The following ASPG variants were observed in gnomAD, a reference collection of about 807,000 sequenced individuals.
ASPG encodes 60 kDa lysophospholipase.
Under a neutral mutation model 63.2 loss-of-function variants are expected in ASPG, and 53 were observed. The observed-to-expected ratio is 0.84, with a 90% CI of 0.67 to 1.05. ASPG has a LOEUF of 1.05. ASPG is among the 50% of genes least tolerant of loss of function. ASPG has a pLI of 0.00. For synonymous variants in ASPG, 370 were observed against 355.0 expected (o/e 1.04, Z -0.48); for missense variants, 741 against 794.4 (o/e 0.93, Z 0.81).
intron 6 of ASPG, among the ~76,000 whole-genome samples, chr14:104,100,618 G>A (rs1414044810): frequency 2.6e-5 from 4 of 152,158 alleles, no homozygotes; most frequent in African/African-American, 7.2e-5. Context: ...GCTGCTCCCT[G>A]GAGCACCTTC....
chr14:104,111,095 G>T, intron 13 of ASPG: 1 of 985,424 alleles, frequency 1.0e-6, no homozygotes, highest in Non-Finnish European at 1.2e-6. Flanking sequence ...CACGAAACTG[G>T]CGTGGGCTGC....
At chr14:104,097,681 G>A in intron 5 of ASPG, 44 bp downstream of exon 5, 1 of 1,536,224 alleles carries the variant, frequency 6.5e-7, no homozygotes, top group Non-Finnish European at 8.8e-7. Context: ...TGGGGTGGGG[G>A]CAGGAGCCCA....
rs1424424819 is a variant in ASPG, at chr14:104,105,533, G to A, written c.1173+83G>A. On this transcript the variant is annotated intron_variant, in intron 10 of 15. Coordinates refer to ENST00000551177, the MANE Select transcript of ASPG (RefSeq NM_001080464.3). ...ACCCTGGGATGCACCAGGCAGGCAC[G>A]AGCCCCTGTAGCCATCACTCGAGCC... The A allele has an allele frequency of 2.0e-5, 29 of 1,460,816 alleles. No individual in the cohort carries two copies. The East Asian group carries it at 3.5e-4, about 18-fold the overall frequency. 90.5% of individuals were successfully genotyped at this position (1,460,816 alleles called of 1,614,324 possible).
At chr14:104,089,081 C>T (rs1175329806) in intron 1 of ASPG, among the ~76,000 whole-genome samples, 3 of 151,744 alleles carry the variant, frequency 2.0e-5, no homozygotes, top group Non-Finnish European at 2.9e-5. Flanking sequence ...AGTGCAGTGG[C>T]GCGATCTCAG....
intron 4 of ASPG, 114 bp downstream of exon 4, chr14:104,095,770 TC>T: frequency 7.2e-7 from 1 of 1,389,324 alleles, no homozygotes; most frequent in South Asian, 1.3e-5. Flanking sequence ...GCCCAGCAGC[TC>T]CTGAGGTGGC....
chr14:104,094,484 C>G (rs1212958421), intron 3 of ASPG, among the ~76,000 whole-genome samples: 1 of 151,898 alleles, frequency 6.6e-6, no homozygotes, highest in Non-Finnish European at 1.5e-5. Flanking sequence ...TCTCCCTTCT[C>G]CCCCATCACA....
intron 1 of ASPG, among the ~76,000 whole-genome samples, chr14:104,090,785 A>T (rs562872726): frequency 3.3e-5 from 5 of 152,306 alleles, no homozygotes; most frequent in Admixed American, 1.3e-4. Context: ...GACCCCTAAT[A>T]TCACATCCGT....
intron 1 of ASPG, among the ~76,000 whole-genome samples, chr14:104,087,368 G>A (rs979770622): frequency 6.6e-6 from 1 of 152,260 alleles, no homozygotes; most frequent in Non-Finnish European, 1.5e-5. Flanking sequence ...GGGATGGCAT[G>A]CATTAAGGAG....
chr14:104,093,181 G>A, intron 2 of ASPG: 2 of 518,718 alleles, frequency 3.9e-6, no homozygotes, highest in African/African-American at 1.9e-5. Flanking sequence ...GCCGCCACAG[G>A]CGAGCCTCCT....
At chr14:104,107,677 G>A (rs2037197589) in intron 12 of ASPG, among the ~76,000 whole-genome samples, 1 of 152,236 alleles carries the variant, frequency 6.6e-6, no homozygotes, top group Admixed American at 6.5e-5. Context: ...ATCTGGGGCT[G>A]TGACAGGCAA....
In ASPG at chr14:104,103,678, A is replaced by T; in HGVS notation, c.753+3A>T. The T allele has an allele frequency of 6.5e-7, 1 of 1,546,764 alleles. No homozygotes were observed. The highest frequency in any genetic ancestry group is 8.7e-7 in the Non-Finnish European group (1 of 1,146,020). ...ACCCTGGGATCCCTGCCGCCCTGGT[A>T]GGGACCGCCCCGGCCATCCTGCCCC... On this transcript the variant is annotated splice_donor_region_variant and intron_variant, in intron 7 of 15. Coordinates refer to ENST00000551177, the MANE Select transcript of ASPG (RefSeq NM_001080464.3).
intron 12 of ASPG, chr14:104,108,339 T>G: frequency 1.1e-6 from 1 of 919,430 alleles, no homozygotes; most frequent in Non-Finnish European, 1.3e-6. Flanking sequence ...TGGGTGTGGG[T>G]GGGTGGCGCG....
In ASPG at chr14:104,086,523, C is replaced by G. The variant is rs373722862; in HGVS notation, c.82+671C>G. Among the ~76,000 whole-genome samples, 6 of 152,294 alleles carry G rather than the reference C, an allele frequency of 3.9e-5. No individual in the cohort carries two copies. In the South Asian group the frequency reaches 1.0e-3, roughly 26 times the overall value. On this transcript the variant is annotated intron_variant, in intron 1 of 15. Transcript: ENST00000551177. Reference sequence around the variant, plus strand: ...CTGTGGTACTCCAGCACAGTGCTGCCAGCCTGGGCTGGGCACAGGAAGGAT... The same window carrying G: ...CTGTGGTACTCCAGCACAGTGCTGCGAGCCTGGGCTGGGCACAGGAAGGAT...
rs200442987 is a variant in ASPG, at chr14:104,107,240, G to A, written c.1328G>A (p.Arg443Gln). 135 of 1,606,300 alleles carry A rather than the reference G, an allele frequency of 8.4e-5. No individual in the cohort carries two copies. The highest frequency in any genetic ancestry group is 9.3e-5 in the Non-Finnish European group (109 of 1,176,056). ...CAAACCCCACTGCACGCGGCCGCCC[G>A]GGGAGGCCACACAGAGGCAGTCACC... is the stretch of plus-strand genomic sequence containing the variant. ...NGQTPLHAAA[R>Q]GGHTEAVTML... is the part of the protein sequence containing the mutation. Residue 443 changes from arginine (R) to glutamine (Q), a missense_variant, in exon 12 of 16, where the codon CGG becomes CAG. Transcript: ENST00000551177.
In ASPG at chr14:104,107,189, A is replaced by G; in HGVS notation, c.1277A>G (p.Asp426Gly). ...GTCCTTGTGTTACTCCAGGGCAGTG[A>G]CCTGGGCCTGGTGGACTTTAACGGC... is the stretch of plus-strand genomic sequence containing the variant. ...ALQALVELGSDLGLVDFNGQT... is the reference protein window; with the variant it reads ...ALQALVELGSGLGLVDFNGQT... Residue 426 changes from aspartate (D) to glycine (G), a missense_variant, in exon 12 of 16, where the codon GAC becomes GGC. Coordinates refer to ENST00000551177, the MANE Select transcript of ASPG (RefSeq NM_001080464.3). 6.4e-7 allele frequency: 1 copy of G among 1,571,116 alleles called. No homozygotes were observed.
At chr14:104,106,402 G>A (rs1300012884) in intron 10 of ASPG, among the ~76,000 whole-genome samples, 1 of 152,160 alleles carries the variant, frequency 6.6e-6, no homozygotes, top group African/African-American at 2.4e-5. Flanking sequence ...GTGGGAACAG[G>A]GCCTTCCTTC....
In ASPG at chr14:104,109,929, ACTGAGGCGCAGGGAGGC is replaced by A; in HGVS notation, c.1520+617_1520+633del. ...CTGACATCATGTTGTTGTTGGGGAG[ACTGAGGCGCAGGGAGGC>A]CTTCGGCGAGGGTGTCGGTTGTGGG... On this transcript the variant is annotated intron_variant, in intron 13 of 15. Transcript: ENST00000551177. The surrounding 1 kb of genome is among the most constrained non-coding windows in gnomAD (Gnocchi z 4.8). 1 of 982,658 alleles carries A rather than the reference ACTGAGGCGCAGGGAGGC, an allele frequency of 1.0e-6. No homozygotes were observed. The highest frequency in any genetic ancestry group is 4.7e-5 in the South Asian group (1 of 21,178). The allele number at this position is 982,658 out of a possible 1,614,324, so 60.9% of individuals were successfully genotyped here. A position where few individuals can be genotyped will look rare whatever the true frequency, so the allele number is the denominator to read the frequency against.
rs1195876777 is a variant in ASPG, at chr14:104,110,536, C to T, written c.1521-966C>T. On this transcript the variant is annotated intron_variant, in intron 13 of 15. Coordinates refer to ENST00000551177, the MANE Select transcript of ASPG (RefSeq NM_001080464.3). The surrounding 1 kb of genome is among the most constrained non-coding windows in gnomAD (Gnocchi z 4.7). The stretch of plus-strand genomic sequence containing the variant: ...TGGCCAGCCTGAGCTGCTGGCTGGA[C>T]TTGAGCCCCTCGGCTAGGCCTTCCT... 1.7e-5 allele frequency: 17 copies of T among 985,218 alleles called. No individual in the cohort carries two copies. Among genetic ancestry groups the T allele is most frequent in the Non-Finnish European group, 2.0e-5 (17 of 829,890 alleles). 61.0% of individuals were successfully genotyped at this position (985,218 alleles called of 1,614,324 possible).
At chr14:104,089,048 T>G (rs2036293520) in intron 1 of ASPG, among the ~76,000 whole-genome samples, 1 of 151,914 alleles carries the variant, frequency 6.6e-6, no homozygotes, top group Admixed American at 6.5e-5. Context: ...TGAGATGGAG[T>G]CTCACTCTGT....
Sources: gnomAD v4.1 joint callset for allele counts (sites outside exome capture counted in the v4.1 genomes callset) on GRCh38, gnomAD v4.1.1 for gene constraint, Gnocchi (gnomAD v3.1) non-coding constraint, MANE v1.5 for transcripts, NCBI Gene and HGNC (gene_info 2026-07-23, HGNC 2026-07-21) for gene names.